Variants in PCCB observed in about 807,000 individuals in gnomAD.
PCCB encodes the protein propionyl-CoA carboxylase beta chain, mitochondrial.
Under a neutral mutation model 60.7 loss-of-function variants are expected in PCCB, and 43 were observed. That is an observed-to-expected ratio of 0.71 (90% CI 0.55 to 0.91). The LOEUF is 0.91. Among genes scored for constraint, PCCB ranks in the 40% least tolerant of loss-of-function variants. The pLI is 0.00. For missense variants in PCCB, 766 were observed against 702.8 expected, an observed-to-expected ratio of 1.09 and a Z score of -1.02; for synonymous variants, 276 against 255.9, an observed-to-expected ratio of 1.08 and a Z score of -0.75.
intron 9 of PCCB, among the ~76,000 whole-genome samples, chr3:136,310,286 C>G (rs1934611041): frequency 6.6e-6 from 1 of 151,940 alleles, no homozygotes; most frequent in Non-Finnish European, 1.5e-5. Context: ...TTGCTTGAAC[C>G]CAGGAGGCGG....
chr3:136,306,690 C>T (rs1456408309), intron 9 of PCCB, among the ~76,000 whole-genome samples: 3 of 121,736 alleles, frequency 2.5e-5, no homozygotes. Flanking sequence ...TATATTGTCA[C>T]ATCTGGGATT....
At position 136,262,102 on chromosome 3, in the gene PCCB, G is replaced by A. The variant is rs374502033; in HGVS notation, c.543+37G>A. 9 of 1,326,474 alleles carry A rather than the reference G, an allele frequency of 6.8e-6. No individual in the cohort carries two copies. The African/African-American group carries it at 1.2e-4, about 17-fold the overall frequency. The allele number at this position is 1,326,474 out of a possible 1,614,324, so 82.2% of individuals were successfully genotyped here. ...GTTAATAGAGAATAAAAAAATACAG[G>A]GCTTAAGTTCTCTAAGCCATGGCCT... On this transcript the variant is annotated intron_variant, in intron 5 of 14. Coordinates refer to ENST00000251654, the MANE Select transcript of PCCB (RefSeq NM_000532.5).
intron 1 of PCCB, among the ~76,000 whole-genome samples, chr3:136,251,067 T>C (rs887269719): frequency 6.6e-6 from 1 of 152,194 alleles, no homozygotes. Flanking sequence ...CTTGTGGAAC[T>C]TCTGCCCGCA....
chr3:136,318,601 C>G (rs980761851), intron 10 of PCCB, among the ~76,000 whole-genome samples: 22 of 152,204 alleles, frequency 1.4e-4, no homozygotes, highest in African/African-American at 4.6e-4. Flanking sequence ...TACTTTCTCT[C>G]TCTATGAATT....
chr3:136,282,237 A>T (rs149460264), intron 5 of PCCB, among the ~76,000 whole-genome samples: 149 of 152,352 alleles, frequency 9.8e-4, no homozygotes, highest in African/African-American at 3.5e-3. Flanking sequence ...TGTGAAGTTT[A>T]CTGAAATTTA....
intron 5 of PCCB, among the ~76,000 whole-genome samples, chr3:136,269,613 C>A (rs1269980696): frequency 3.3e-5 from 5 of 151,970 alleles, no homozygotes; most frequent in African/African-American, 1.2e-4. Context: ...TGGCCGGGTG[C>A]GGTGGCTCAC....
Position 136,293,816 on chromosome 3 carries a change from G to A in PCCB, c.715G>A (p.Val239Ile). ...DVVKSVTNED[V>I]TQEELGGAKT... The stretch of plus-strand genomic sequence containing the variant: ...TGTGAAGTCTGTCACCAATGAGGAT[G>A]TTACCCAGGAGGAGCTCGGTGGTGC... The change falls in exon 7 of 15, where the codon GTT (valine) becomes ATT (isoleucine). Residue 239 changes from valine (V) to isoleucine (I), a missense_variant. Transcript: ENST00000251654. 6.2e-7 allele frequency: 1 copy of A among 1,613,488 alleles called. No homozygotes were observed. Among genetic ancestry groups the A allele is most frequent in the Non-Finnish European group, 8.5e-7 (1 of 1,179,458 alleles).
At chr3:136,267,059 AT>A (rs1347375436) in intron 5 of PCCB, among the ~76,000 whole-genome samples, 1 of 151,930 alleles carries the variant, frequency 6.6e-6, no homozygotes, top group Non-Finnish European at 1.5e-5. Flanking sequence ...ATTTCTTTGT[AT>A]TTTTAGTAGA....
At chr3:136,295,629 T>G (rs942853561) in intron 7 of PCCB, among the ~76,000 whole-genome samples, 1 of 152,246 alleles carries the variant, frequency 6.6e-6, no homozygotes, top group African/African-American at 2.4e-5. Context: ...ATGCTGTTTA[T>G]TTTTCCCCAT....
intron 5 of PCCB, among the ~76,000 whole-genome samples, chr3:136,269,421 G>T (rs1942127527): frequency 6.6e-6 from 1 of 151,982 alleles, no homozygotes; most frequent in African/African-American, 2.4e-5. Context: ...TTGAATAGGG[G>T]GTGTGTGTGT....
chr3:136,256,453 G>A, intron 2 of PCCB, 102 bp from the exon 3 acceptor site: 1 of 829,308 alleles, frequency 1.2e-6, no homozygotes, highest in Non-Finnish European at 2.1e-6. Context: ...GACGTTTTAG[G>A]AATTTGGGTT....
At chr3:136,328,696 G>A in intron 13 of PCCB, 62 bp from the exon 14 acceptor site, 1 of 1,321,850 alleles carries the variant, frequency 7.6e-7, no homozygotes, top group Non-Finnish European at 1.1e-6. Flanking sequence ...GTGATAATGA[G>A]TTGAAGGAGA....
At chr3:136,268,104 A>ATG (rs1228030118) in intron 5 of PCCB, among the ~76,000 whole-genome samples, 1 of 124,510 alleles carries the variant, frequency 8.0e-6, no homozygotes, top group South Asian at 2.4e-4. Flanking sequence ...ATATATATAT[A>ATG]TATATATATA....
intron 6 of PCCB, 134 bp from the exon 7 acceptor site, chr3:136,293,621 CT>C: frequency 1.3e-6 from 1 of 753,382 alleles, no homozygotes; most frequent in Non-Finnish European, 2.4e-6. Flanking sequence ...GGAGTCGTAT[CT>C]TTAAGCTACA....
chr3:136,275,149 C>G (rs900586002), intron 5 of PCCB, among the ~76,000 whole-genome samples: 2 of 152,126 alleles, frequency 1.3e-5, no homozygotes, highest in Admixed American at 6.5e-5. Flanking sequence ...TTATTTTTGT[C>G]TGATTGGGTT....
rs1004113658 is a variant in PCCB at position 136,300,905 on chromosome 3, C to A, written c.885-125C>A. 3 of 734,758 alleles carry A rather than the reference C, an allele frequency of 4.1e-6. No homozygotes were observed. In the African/African-American group the frequency reaches 5.2e-5, roughly 13 times the overall value. The allele number at this position is 734,758 out of a possible 1,614,324, so 45.5% of individuals were successfully genotyped here. A position where few individuals can be genotyped will look rare whatever the true frequency, so the allele number is the denominator to read the frequency against. On this transcript the variant is annotated intron_variant, in intron 8 of 14. Coordinates refer to ENST00000251654, the MANE Select transcript of PCCB (RefSeq NM_000532.5). ...GACTCTTTGGTGACTGCTTTGTAAGCCCAGCAGGGACAGAACTGGCCCAGT... is the reference window on the plus strand; with the variant it reads ...GACTCTTTGGTGACTGCTTTGTAAGACCAGCAGGGACAGAACTGGCCCAGT...
chr3:136,307,008 A>G lies in PCCB; in HGVS notation c.966+5897A>G, dbSNP rs1475517569. ...TTGGGCAGAAATCAAATGACTTACA[A>G]GGGCAAGAGAATAAAATGGCATCCA... On this transcript the variant is annotated intron_variant, in intron 9 of 14. Coordinates refer to ENST00000251654, the MANE Select transcript of PCCB (RefSeq NM_000532.5). Among the ~76,000 whole-genome samples, 6 of 123,036 alleles carry G rather than the reference A, an allele frequency of 4.9e-5. 1 individual carries two copies. The highest frequency in any genetic ancestry group is 1.9e-4 in the Admixed American group (2 of 10,260). 80.7% of individuals were successfully genotyped at this position (123,036 alleles called of 152,430 possible). A position where few individuals can be genotyped will look rare whatever the true frequency, so the allele number is the denominator to read the frequency against.
chr3:136,323,389 C>A (rs1485464281), intron 10 of PCCB, among the ~76,000 whole-genome samples: 1 of 152,080 alleles, frequency 6.6e-6, no homozygotes, highest in African/African-American at 2.4e-5. Context: ...GTGAATTTTT[C>A]ATTTCATTTA....
At chr3:136,265,610 G>A (rs944334286) in intron 5 of PCCB, among the ~76,000 whole-genome samples, 9 of 152,160 alleles carry the variant, frequency 5.9e-5, no homozygotes, top group African/African-American at 1.7e-4. Context: ...GTGAACATTT[G>A]TGTATTACTT....
Sources: allele counts gnomAD v4.1 joint callset (sites outside exome capture counted in the v4.1 genomes callset), GRCh38; gene constraint gnomAD v4.1.1; transcripts MANE v1.5; gene names NCBI Gene and HGNC (gene_info 2026-07-23, HGNC 2026-07-21).